The following TMEM117 variants were observed in gnomAD, a reference collection of about 807,000 sequenced individuals.
TMEM117 encodes transmembrane protein 117.
Under a neutral mutation model 52.4 loss-of-function variants are expected in TMEM117, and 27 were observed. The ratio of observed to expected loss-of-function variants is 0.51; its 90% CI spans 0.38 to 0.71. The LOEUF (loss-of-function observed/expected upper bound fraction) is 0.71. Among genes scored for constraint, TMEM117 ranks in the 30% least tolerant of loss-of-function variants. TMEM117 has a pLI of 0.00. For missense variants in TMEM117, 556 were observed against 630.5 expected (o/e 0.88, Z 1.26); for synonymous variants, 215 against 206.3 (o/e 1.04, Z -0.36).
intron 2 of TMEM117, among the ~76,000 whole-genome samples, chr12:43,930,236 T>C (rs1235912420): frequency 6.6e-6 from 1 of 152,158 alleles, no homozygotes; most frequent in Non-Finnish European, 1.5e-5. Flanking sequence ...ATGCTTAGTT[T>C]TTTTTGCTTA....
At chr12:43,908,380 C>A (rs1944431262) in intron 2 of TMEM117, among the ~76,000 whole-genome samples, 1 of 111,914 alleles carries the variant, frequency 8.9e-6, no homozygotes. Flanking sequence ...CAATACCAGC[C>A]ACTGCAAAAT....
the TMEM117 span, chr12:43,797,670 A>G: frequency 1.3e-6 from 2 of 1,599,550 alleles, no homozygotes; most frequent in East Asian, 4.5e-5. Flanking sequence ...AAACTACCAA[A>G]AAGAGCAGCC....
In TMEM117 at chr12:44,208,551, T is replaced by C. The variant is rs2097486837; in HGVS notation, c.511-2739T>C. On this transcript the variant is annotated intron_variant, in intron 4 of 7. Coordinates refer to ENST00000266534, the MANE Select transcript of TMEM117 (RefSeq NM_032256.3). ...CAACACCAGAAATGAATTTGATTTC[T>C]CTAATGCAGGAGATAATTGGATTTT... Among the ~76,000 whole-genome samples, 4 of 152,208 alleles carry C rather than the reference T, an allele frequency of 2.6e-5. No homozygotes were observed. The South Asian group carries it at 8.3e-4, about 32-fold the overall frequency.
At chr12:43,820,198 A>C in the TMEM117 span, among the ~76,000 whole-genome samples, 2 of 152,042 alleles carry the variant, frequency 1.3e-5, no homozygotes, top group African/African-American at 4.8e-5. Flanking sequence ...CTCCGGTTCA[A>C]GCGATTCTCC....
chr12:43,835,622 G>A (rs1032009470), upstream of TMEM117, among the ~76,000 whole-genome samples: 5 of 152,146 alleles, frequency 3.3e-5, no homozygotes, highest in African/African-American at 1.2e-4. Context: ...TGCGACCTGA[G>A]ATTGCTTTCG....
chr12:43,916,046 G>A (rs1282998488), intron 2 of TMEM117, among the ~76,000 whole-genome samples: 3 of 152,012 alleles, frequency 2.0e-5, no homozygotes, highest in Non-Finnish European at 4.4e-5. Context: ...AAAAAGTGGG[G>A]GATAAATTCA....
At chr12:44,161,740 T>C (rs1243230448) in intron 4 of TMEM117, among the ~76,000 whole-genome samples, 1 of 152,154 alleles carries the variant, frequency 6.6e-6, no homozygotes, top group Admixed American at 6.6e-5. Context: ...AATTTTGTTT[T>C]GGTATTTCAG....
At chr12:44,055,189 T>A (rs1947035351) in intron 3 of TMEM117, among the ~76,000 whole-genome samples, 1 of 152,174 alleles carries the variant, frequency 6.6e-6, no homozygotes, top group South Asian at 2.1e-4. Flanking sequence ...AAAACCTGTA[T>A]AATTAGCAGG....
intron 6 of TMEM117, among the ~76,000 whole-genome samples, chr12:44,344,908 A>C (rs773941566): frequency 5.9e-5 from 9 of 151,912 alleles, no homozygotes; most frequent in Non-Finnish European, 7.4e-5. Flanking sequence ...TTCTGTTGGG[A>C]CATCTGATTG....
intron 3 of TMEM117, among the ~76,000 whole-genome samples, chr12:44,071,872 T>C (rs1182642376): frequency 1.3e-5 from 2 of 152,236 alleles, no homozygotes; most frequent in African/African-American, 2.4e-5. Context: ...TGCAGGTTTC[T>C]AGGCTCCGAT....
chr12:44,236,661 A>C (rs1950000561), intron 5 of TMEM117, among the ~76,000 whole-genome samples: 1 of 152,114 alleles, frequency 6.6e-6, no homozygotes. Context: ...ATACCCAGTT[A>C]TCACTGGCCC....
At chr12:43,876,255 C>A (rs150172843) in intron 2 of TMEM117, among the ~76,000 whole-genome samples, 1 of 152,232 alleles carries the variant, frequency 6.6e-6, no homozygotes, top group Non-Finnish European at 1.5e-5. Context: ...GGTGTGGTGG[C>A]ATTCTCTGGC....
chr12:43,833,227 G>A (rs373756343), upstream of TMEM117, among the ~76,000 whole-genome samples: 50 of 152,258 alleles, frequency 3.3e-4, no homozygotes, highest in African/African-American at 9.6e-4. Flanking sequence ...TCTAAAGGTA[G>A]GCTAACAAGT....
At chr12:43,867,260 T>C (rs1483870396) in intron 2 of TMEM117, among the ~76,000 whole-genome samples, 1 of 152,194 alleles carries the variant, frequency 6.6e-6, no homozygotes, top group Non-Finnish European at 1.5e-5. Context: ...AGTGGCACAA[T>C]GTTAACCCTA....
At chr12:43,796,478 A>G in the TMEM117 span, among the ~76,000 whole-genome samples, 1 of 152,130 alleles carries the variant, frequency 6.6e-6, no homozygotes, top group Non-Finnish European at 1.5e-5. Context: ...CCCAAAATTC[A>G]AATGTTTATG....
chr12:44,356,468 A>C (rs1418495172), intron 6 of TMEM117, among the ~76,000 whole-genome samples: 1 of 152,058 alleles, frequency 6.6e-6, no homozygotes. Flanking sequence ...CCTTTGAACT[A>C]TTTTGTTCTG....
chr12:44,267,229 T>A (rs1950389237), intron 5 of TMEM117, among the ~76,000 whole-genome samples: 1 of 152,114 alleles, frequency 6.6e-6, no homozygotes, highest in African/African-American at 2.4e-5. Flanking sequence ...GGCCTTGACT[T>A]ATTATGTTAC....
At chr12:44,195,019 G>A (rs1258197456) in intron 4 of TMEM117, among the ~76,000 whole-genome samples, 2 of 152,148 alleles carry the variant, frequency 1.3e-5, no homozygotes, top group East Asian at 1.9e-4. Flanking sequence ...TTCTACTGCT[G>A]CATAACAAGT....
intron 2 of TMEM117, among the ~76,000 whole-genome samples, chr12:43,897,625 A>G (rs1260173733): frequency 6.7e-6 from 1 of 150,346 alleles, no homozygotes; most frequent in Non-Finnish European, 1.5e-5. Context: ...TTCTTTTTTT[A>G]GAGACAGAGT....
Sources: allele counts gnomAD v4.1 joint callset (sites outside exome capture counted in the v4.1 genomes callset), GRCh38; gene constraint gnomAD v4.1.1; transcripts MANE v1.5; gene names NCBI Gene and HGNC (gene_info 2026-07-23, HGNC 2026-07-21).